Variants in UBR3 observed in about 807,000 individuals in gnomAD.
UBR3 encodes the protein ubiquitin protein ligase E3 component n-recognin 3.
UBR3 carries 85 observed loss-of-function variants against 243.2 expected under a neutral mutation model. The observed-to-expected ratio is 0.35, with a 90% CI of 0.29 to 0.42. UBR3 has a LOEUF of 0.42. UBR3 is among the 10% of genes least tolerant of loss of function. The pLI is 1.00. For missense variants in UBR3, 1,686 were observed against 2,300.8 expected, an observed-to-expected ratio of 0.73 and a Z score of 5.47; for synonymous variants, 748 against 799.8, an observed-to-expected ratio of 0.94 and a Z score of 1.09.
intron 30 of UBR3, among the ~76,000 whole-genome samples, chr2:170,020,431 G>A (rs2090359373): frequency 6.6e-6 from 1 of 152,162 alleles, no homozygotes; most frequent in Admixed American, 6.6e-5. Flanking sequence ...AGATACATAT[G>A]TGGTGGAATA....
At chr2:169,862,359 G>T (rs887817212) in intron 1 of UBR3, among the ~76,000 whole-genome samples, 3 of 152,012 alleles carry the variant, frequency 2.0e-5, no homozygotes, top group Non-Finnish European at 4.4e-5. Flanking sequence ...TCCTATTAGC[G>T]ATGTAGAAAT....
chr2:169,852,862 A>AAC (rs2082705786), intron 1 of UBR3, among the ~76,000 whole-genome samples: 1 of 145,080 alleles, frequency 6.9e-6, no homozygotes, highest in Admixed American at 7.1e-5. Flanking sequence ...AAAAAAAAAA[A>AAC]AAAAAAAAAA....
chr2:169,840,294 T>C (rs576900319), intron 1 of UBR3, among the ~76,000 whole-genome samples: 5 of 152,282 alleles, frequency 3.3e-5, no homozygotes, highest in African/African-American at 1.2e-4. Flanking sequence ...TACTGTCTGC[T>C]CTTTCTGGCT....
intron 33 of UBR3, among the ~76,000 whole-genome samples, chr2:170,057,747 T>C (rs886373130): frequency 2.6e-5 from 4 of 152,150 alleles, no homozygotes; most frequent in African/African-American, 7.2e-5. Flanking sequence ...TGAGACAGAT[T>C]CTTATCAGAA....
intron 24 of UBR3, among the ~76,000 whole-genome samples, chr2:169,981,274 T>G (rs554473828): frequency 5.9e-5 from 9 of 152,200 alleles, no homozygotes; most frequent in Admixed American, 4.6e-4. Flanking sequence ...AAAAGAGTTA[T>G]TTTACAGTAG....
In UBR3 at chr2:170,065,057, G is replaced by A. The variant is rs185627873; in HGVS notation, c.5019+3614G>A. 2.5e-3 allele frequency among the ~76,000 whole-genome samples: 372 copies of A among 151,730 alleles called. 1 individual carries two copies. The highest frequency in any genetic ancestry group is 8.6e-3 in the African/African-American group (356 of 41,348). On this transcript the variant is annotated intron_variant, in intron 35 of 38. Transcript: ENST00000272793. ...AGGGCTTCACCATGTTGGCCAGGCCGGTCTCGAACTCTGGACCTCAGGCGA... is the reference window on the plus strand; with the variant it reads ...AGGGCTTCACCATGTTGGCCAGGCCAGTCTCGAACTCTGGACCTCAGGCGA...
chr2:169,832,987 A>G (rs186358635), intron 1 of UBR3, among the ~76,000 whole-genome samples: 8 of 152,274 alleles, frequency 5.3e-5, no homozygotes, highest in African/African-American at 1.9e-4. Context: ...ATAACCTGTA[A>G]TGGAAAGTCT....
chr2:169,964,898 C>T (rs201745959), intron 24 of UBR3: 277 of 456,826 alleles, frequency 6.1e-4, no homozygotes, highest in Non-Finnish European at 1.0e-3. Flanking sequence ...AGGCAGTTCA[C>T]AGAAGTCTTC....
At chr2:169,977,688 G>A (rs965088869) in intron 24 of UBR3, among the ~76,000 whole-genome samples, 11 of 152,044 alleles carry the variant, frequency 7.2e-5, no homozygotes, top group South Asian at 2.1e-4. Context: ...GATAGTGCTC[G>A]CCCACAATGA....
chr2:169,923,800 A>C (rs932270699), intron 11 of UBR3, 129 bp from the exon 12 acceptor site: 8 of 853,308 alleles, frequency 9.4e-6, no homozygotes, highest in Non-Finnish European at 1.2e-5. Flanking sequence ...TGCATCTTCT[A>C]AAATGTTAAG....
chr2:169,927,823 G>A (rs1574221184), intron 17 of UBR3, among the ~76,000 whole-genome samples: 1 of 152,046 alleles, frequency 6.6e-6, no homozygotes, highest in East Asian at 1.9e-4. Context: ...CATTTTGAGG[G>A]TTTTTCTGTA....
chr2:170,082,770 C>T lies in UBR3; in HGVS notation c.*927C>T, dbSNP rs2091926803. 1 of 152,174 alleles carries T rather than the reference C, an allele frequency of 6.6e-6. No homozygotes were observed. The highest frequency in any genetic ancestry group is 2.4e-5 in the African/African-American group (1 of 41,404). 9.4% of individuals were successfully genotyped at this position (152,174 alleles called of 1,614,324 possible). On this transcript the variant is annotated 3_prime_UTR_variant, in exon 39 of 39. Transcript: ENST00000272793. ...AATGAACCATAAATTTTGGAACTTC[C>T]TTTCAGCTCAAGAGGTTCAGCTATA...
intron 1 of UBR3, among the ~76,000 whole-genome samples, chr2:169,849,701 G>C (rs2082595929): frequency 1.3e-5 from 2 of 152,220 alleles, no homozygotes; most frequent in African/African-American, 4.8e-5. Flanking sequence ...CCAAAATGCA[G>C]ATTCAGTTGT....
At chr2:169,933,031 C>T in intron 19 of UBR3, 23 bp downstream of exon 19, 1 of 1,467,872 alleles carries the variant, frequency 6.8e-7, no homozygotes, top group South Asian at 1.3e-5. Context: ...AATTGATTAG[C>T]ATCATAACAG....
Position 169,987,409 on chromosome 2 carries a change from C to CA in UBR3, c.3784+625dup, listed in dbSNP as rs78223401. Among the ~76,000 whole-genome samples, 669 of 126,070 alleles carry CA rather than the reference C, an allele frequency of 5.3e-3. 2 individuals carry two copies. Among genetic ancestry groups the CA allele is most frequent in the African/African-American group, 0.011 (364 of 33,906 alleles). The allele number at this position is 126,070 out of a possible 152,430, so 82.7% of individuals were successfully genotyped here. On this transcript the variant is annotated intron_variant, in intron 25 of 38. Transcript: ENST00000272793. ...CTCTGTCTCAAAAAAAAAAAAAAAA[C>CA]AAAAAAAAAACAAAAACAATTGTTC...
rs538812655 is a variant in UBR3, at chr2:170,003,486, T to A, written c.4029+2072T>A. On this transcript the variant is annotated intron_variant, in intron 27 of 38. Transcript: ENST00000272793. ...CAACTATTCCTTCAGCAATATTTAT[T>A]CAGTATCTACAGTGTTCCAGATACT... Among the ~76,000 whole-genome samples the A allele has an allele frequency of 5.3e-5, 8 of 152,338 alleles. No homozygotes were observed. The South Asian group carries it at 1.7e-3, about 32-fold the overall frequency.
At chr2:169,849,452 A>G (rs928774125) in intron 1 of UBR3, among the ~76,000 whole-genome samples, 1 of 152,088 alleles carries the variant, frequency 6.6e-6, no homozygotes, top group African/African-American at 2.4e-5. Context: ...CTCCACACAC[A>G]CCTGGCTAGT....
intron 19 of UBR3, among the ~76,000 whole-genome samples, chr2:169,939,650 A>T (rs911298002): frequency 2.0e-5 from 3 of 149,760 alleles, no homozygotes; most frequent in African/African-American, 7.4e-5. Context: ...TGTAGCCTTT[A>T]ACTCCTGGGC....
At chr2:169,920,798 G>A (rs1374621954) in intron 11 of UBR3, among the ~76,000 whole-genome samples, 1 of 152,172 alleles carries the variant, frequency 6.6e-6, no homozygotes, top group Admixed American at 6.5e-5. Context: ...AGTCAAGTAT[G>A]GCTACTATAA....
Sources: allele counts gnomAD v4.1 joint callset (sites outside exome capture counted in the v4.1 genomes callset), GRCh38; gene constraint gnomAD v4.1.1; transcripts MANE v1.5; gene names NCBI Gene and HGNC (gene_info 2026-07-23, HGNC 2026-07-21).